The following GABRB1 variants were observed in gnomAD, a reference collection of about 807,000 sequenced individuals.
GABRB1 encodes the protein gamma-aminobutyric acid receptor subunit beta-1.
GABRB1 carries 17 observed loss-of-function variants against 51.6 expected under a neutral mutation model. The observed-to-expected ratio is 0.33, with a 90% CI of 0.23 to 0.49. The LOEUF (loss-of-function observed/expected upper bound fraction) is 0.49, where lower values mean the gene tolerates loss of function less well. Ranked by LOEUF, GABRB1 falls within the 20% of genes least tolerant of loss-of-function variation. The pLI, the probability that GABRB1 is intolerant of heterozygous loss-of-function variation, is 0.99. For missense variants in GABRB1, 410 were observed against 600.6 expected, an observed-to-expected ratio of 0.68 and a Z score of 3.32; for synonymous variants, 247 against 218.9, an observed-to-expected ratio of 1.13 and a Z score of -1.14.
chr4:47,259,143 A>C (rs1293657634), intron 4 of GABRB1, among the ~76,000 whole-genome samples: 2 of 152,078 alleles, frequency 1.3e-5, no homozygotes, highest in African/African-American at 4.8e-5. Context: ...TCTTTGAGAG[A>C]GCCCCATTTA....
At chr4:47,372,523 A>G (rs186222043) in intron 5 of GABRB1, among the ~76,000 whole-genome samples, 1 of 152,334 alleles carries the variant, frequency 6.6e-6, no homozygotes, top group Admixed American at 6.5e-5. Flanking sequence ...GTTATTTACA[A>G]AAATAGAAAT....
chr4:47,330,797 A>G (rs1003507469), intron 5 of GABRB1, among the ~76,000 whole-genome samples: 4 of 152,166 alleles, frequency 2.6e-5, no homozygotes, highest in Non-Finnish European at 4.4e-5. Context: ...ATCCTGATTT[A>G]TAAAGGAAAT....
chr4:47,195,434 AGATAGATAGATGATAGATAGATTAGAT>A (rs1284013294), intron 4 of GABRB1, among the ~76,000 whole-genome samples: 11 of 117,968 alleles, frequency 9.3e-5, no homozygotes, highest in African/African-American at 4.0e-4. Context: ...ATAGATAGAT[AGATAGATAGATGATAGATAGATTAGAT>A]GATAGATAGA....
At chr4:47,125,555 A>ATTTTTTTTTTTTTTTTTTTTTTTTTTTTT (rs570181191) in intron 3 of GABRB1, among the ~76,000 whole-genome samples, 6 of 21,000 alleles carry the variant, frequency 2.9e-4, no homozygotes, top group Non-Finnish European at 4.2e-4. Context: ...ACAAAGTATA[A>ATTTTTTTTTTTTTTTTTTTTTTTTTTTTT]TTTCTTTTTT....
chr4:47,062,031 AT>A (rs1726865341), intron 3 of GABRB1, among the ~76,000 whole-genome samples: 2 of 152,148 alleles, frequency 1.3e-5, no homozygotes, highest in African/African-American at 4.8e-5. Context: ...TTATTGCATT[AT>A]TTAGTATTAT....
intron 8 of GABRB1, among the ~76,000 whole-genome samples, chr4:47,414,445 T>C (rs1728851943): frequency 6.6e-6 from 1 of 152,180 alleles, no homozygotes; most frequent in South Asian, 2.1e-4. Flanking sequence ...TTGCATTCTT[T>C]TGAGTTTCTG....
chr4:47,352,745 C>T (rs1251441175), intron 5 of GABRB1, among the ~76,000 whole-genome samples: 6 of 151,486 alleles, frequency 4.0e-5, no homozygotes, highest in Admixed American at 2.6e-4. Context: ...TCAACACTCA[C>T]ATTATTTTGG....
At chr4:47,123,337 T>C (rs1341731529) in intron 3 of GABRB1, among the ~76,000 whole-genome samples, 1 of 128,680 alleles carries the variant, frequency 7.8e-6, no homozygotes, top group Admixed American at 9.1e-5. Flanking sequence ...TAGATAATAT[T>C]ATATAATATA....
chr4:47,354,553 T>C (rs1726481534), intron 5 of GABRB1, among the ~76,000 whole-genome samples: 1 of 152,148 alleles, frequency 6.6e-6, no homozygotes, highest in Non-Finnish European at 1.5e-5. Flanking sequence ...CATCATTATG[T>C]TAGGTTCTCT....
intron 5 of GABRB1, among the ~76,000 whole-genome samples, chr4:47,360,405 C>T (rs1476855709): frequency 9.2e-5 from 14 of 151,400 alleles, no homozygotes. Context: ...AAAATGGAAT[C>T]CAGCCTCTTT....
intron 3 of GABRB1, among the ~76,000 whole-genome samples, chr4:47,059,713 G>A (rs749962278): frequency 1.3e-5 from 2 of 152,118 alleles, no homozygotes; most frequent in Non-Finnish European, 2.9e-5. Context: ...GATGGGTTGT[G>A]GAAGGCCATG....
chr4:46,995,078 G>A (rs1056204447), intron 1 of GABRB1, among the ~76,000 whole-genome samples: 2 of 152,074 alleles, frequency 1.3e-5, no homozygotes, highest in African/African-American at 4.8e-5. Flanking sequence ...CATAGACTGT[G>A]GTCTCTCTGA....
chr4:47,172,230 A>G (rs1718469156), intron 4 of GABRB1, among the ~76,000 whole-genome samples: 2 of 152,232 alleles, frequency 1.3e-5, no homozygotes, highest in African/African-American at 4.8e-5. Flanking sequence ...TTAAAATACA[A>G]TAAACATATT....
intron 4 of GABRB1, among the ~76,000 whole-genome samples, chr4:47,172,686 G>C (rs1396199443): frequency 8.2e-6 from 1 of 121,986 alleles, no homozygotes; most frequent in Non-Finnish European, 1.6e-5. Flanking sequence ...ATGTCGCCCA[G>C]GCTGAAGTGC....
intron 8 of GABRB1, among the ~76,000 whole-genome samples, chr4:47,412,896 A>C (rs577879723): frequency 1.3e-5 from 2 of 152,374 alleles, no homozygotes; most frequent in Admixed American, 1.3e-4. Flanking sequence ...TGCCATTTGC[A>C]TAGCATGTGA....
At chr4:47,298,907 C>G (rs1405018086) in intron 4 of GABRB1, among the ~76,000 whole-genome samples, 3 of 151,750 alleles carry the variant, frequency 2.0e-5, no homozygotes, top group Non-Finnish European at 2.9e-5. Context: ...ACCAATGGAA[C>G]AGAACAGAGC....
chr4:47,328,665 G>T (rs536777390), intron 5 of GABRB1, among the ~76,000 whole-genome samples: 6 of 151,968 alleles, frequency 3.9e-5, no homozygotes, highest in Non-Finnish European at 8.8e-5. Flanking sequence ...ACTATCACAA[G>T]GACGAAAAAC....
chr4:47,240,432 A>G (rs1721478695), intron 4 of GABRB1, among the ~76,000 whole-genome samples: 1 of 152,208 alleles, frequency 6.6e-6, no homozygotes, highest in African/African-American at 2.4e-5. Context: ...TAAATGGGAA[A>G]TTCCATTTTT....
chr4:47,240,739 G>A (rs1193570835), intron 4 of GABRB1, among the ~76,000 whole-genome samples: 2 of 152,196 alleles, frequency 1.3e-5, no homozygotes, highest in Non-Finnish European at 2.9e-5. Context: ...GAATAAAAAT[G>A]CTATCAACCT....
Sources: gnomAD v4.1 joint callset for allele counts (sites outside exome capture counted in the v4.1 genomes callset) on GRCh38, gnomAD v4.1.1 for gene constraint, MANE v1.5 for transcripts, NCBI Gene and HGNC (gene_info 2026-07-23, HGNC 2026-07-21) for gene names.